The following FAT3 variants were observed in gnomAD, a reference collection of about 807,000 sequenced individuals.
The protein encoded by FAT3 is FAT atypical cadherin 3.
A neutral mutation model predicts 310.2 loss-of-function variants in FAT3; 95 were observed. That is an observed-to-expected ratio of 0.31 (90% CI 0.26 to 0.36). The LOEUF is 0.36. Ranked by LOEUF, FAT3 falls within the 10% of genes least tolerant of loss-of-function variation. The pLI is 1.00. For synonymous variants in FAT3, 2,314 were observed against 2,192.9 expected (o/e 1.06, Z -1.54); for missense variants, 5,408 against 5,715.6 (o/e 0.95, Z 1.74).
At chr11:92,469,640 G>A (rs372221536) in intron 2 of FAT3, among the ~76,000 whole-genome samples, 3 of 150,906 alleles carry the variant, frequency 2.0e-5, no homozygotes, top group African/African-American at 4.9e-5. Context: ...TCAGCCTCCC[G>A]AGTAGCTGGG....
intron 3 of FAT3, among the ~76,000 whole-genome samples, chr11:92,659,877 A>G (rs1447261054): frequency 6.6e-6 from 1 of 152,160 alleles, no homozygotes; most frequent in Non-Finnish European, 1.5e-5. Flanking sequence ...CAACCCTGTG[A>G]ATGTGTTGTT....
chr11:92,734,071 G>A (rs1945268887), intron 4 of FAT3, among the ~76,000 whole-genome samples: 1 of 152,176 alleles, frequency 6.6e-6, no homozygotes, highest in Non-Finnish European at 1.5e-5. Context: ...GAAGTTATAG[G>A]AAGTTTTCCA....
At chr11:92,889,755 CT>C (rs1949874831) in intron 26 of FAT3, 100 bp from the exon 27 acceptor site, 3 of 706,528 alleles carry the variant, frequency 4.2e-6, no homozygotes, top group Non-Finnish European at 8.0e-6. Flanking sequence ...GCCCACAGGC[CT>C]TTAGGAGTAT....
chr11:92,341,559 A>G (rs906279637), intron 1 of FAT3, among the ~76,000 whole-genome samples: 5 of 152,232 alleles, frequency 3.3e-5, no homozygotes, highest in South Asian at 2.1e-4. Flanking sequence ...AAGACTGACA[A>G]GATTTCTGGA....
chr11:92,750,259 A>G (rs1259705722), intron 4 of FAT3, among the ~76,000 whole-genome samples: 1 of 152,218 alleles, frequency 6.6e-6, no homozygotes, highest in Non-Finnish European at 1.5e-5. Context: ...TTAGAAGAGT[A>G]TCAAGTGCTA....
intron 1 of FAT3, among the ~76,000 whole-genome samples, chr11:92,229,512 T>G (rs978054339): frequency 4.0e-5 from 3 of 75,322 alleles, no homozygotes; most frequent in Non-Finnish European, 8.6e-5. Flanking sequence ...TTTTTGTTTT[T>G]TGTTTTTTTT....
intron 1 of FAT3, among the ~76,000 whole-genome samples, chr11:92,242,590 A>T (rs1590995964): frequency 6.6e-6 from 1 of 151,920 alleles, no homozygotes; most frequent in African/African-American, 2.4e-5. Context: ...ACTGTTCTTG[A>T]CCTCAAGGAG....
intron 1 of FAT3, among the ~76,000 whole-genome samples, chr11:92,278,447 G>C (rs1269371327): frequency 6.6e-6 from 1 of 151,942 alleles, no homozygotes; most frequent in Admixed American, 6.6e-5. Context: ...GAGTTTTGCT[G>C]GGCCTCTTTG....
intron 4 of FAT3, among the ~76,000 whole-genome samples, chr11:92,742,622 G>A (rs1945539630): frequency 6.6e-6 from 1 of 152,174 alleles, no homozygotes; most frequent in Non-Finnish European, 1.5e-5. Context: ...GTGGGTTCTG[G>A]ATAAAAAGGA....
chr11:92,336,975 G>T (rs1387608430), intron 1 of FAT3, among the ~76,000 whole-genome samples: 1 of 152,034 alleles, frequency 6.6e-6, no homozygotes, highest in Admixed American at 6.6e-5. Context: ...GTTGCCATCC[G>T]CCAGCCTGTG....
chr11:92,488,450 G>A (rs867852028), intron 2 of FAT3, among the ~76,000 whole-genome samples: 2 of 9,334 alleles, frequency 2.1e-4, no homozygotes, highest in Non-Finnish European at 3.2e-4. Context: ...AACTAGCACC[G>A]CCCCCCCCCC....
Position 92,859,334 on chromosome 11 carries a change from G to C in FAT3, c.11658+12G>C, listed in dbSNP as rs779716403. 3.3e-5 allele frequency: 52 copies of C among 1,567,804 alleles called. No individual in the cohort carries two copies. Among genetic ancestry groups the C allele is most frequent in the Non-Finnish European group, 4.3e-5 (49 of 1,151,002 alleles). ...GCATAATTCTGAAGGTAATTAAAAT[G>C]GGTTATCTTTTTCTGCAGTCAGTTC... On this transcript the variant is annotated intron_variant, in intron 21 of 27. Transcript: ENST00000525166.
intron 1 of FAT3, among the ~76,000 whole-genome samples, chr11:92,270,962 C>T (rs1471857638): frequency 6.6e-6 from 1 of 152,046 alleles, no homozygotes; most frequent in Non-Finnish European, 1.5e-5. Flanking sequence ...ATTAGCAAAG[C>T]CTGTCTGTTT....
intron 2 of FAT3, among the ~76,000 whole-genome samples, chr11:92,512,059 C>G (rs894629376): frequency 1.3e-5 from 2 of 152,114 alleles, no homozygotes; most frequent in Non-Finnish European, 2.9e-5. Context: ...TGTGTGACTT[C>G]TATTCAGTGT....
chr11:92,252,019 C>G (rs1187352776), intron 1 of FAT3, among the ~76,000 whole-genome samples: 2 of 152,028 alleles, frequency 1.3e-5, no homozygotes, highest in East Asian at 3.9e-4. Flanking sequence ...CTTTTGGTTA[C>G]TTTTAGAGAT....
intron 21 of FAT3, among the ~76,000 whole-genome samples, chr11:92,859,533 T>C (rs1480915895): frequency 2.0e-5 from 3 of 152,180 alleles, no homozygotes; most frequent in Non-Finnish European, 4.4e-5. Flanking sequence ...TCTTGGTACA[T>C]GGGGCATCTC....
At chr11:92,786,254 A>G (rs1195769628) in intron 7 of FAT3, among the ~76,000 whole-genome samples, 2 of 152,194 alleles carry the variant, frequency 1.3e-5, no homozygotes, top group Admixed American at 1.3e-4. Context: ...AAAATATTCT[A>G]AACTGTGAAT....
intron 2 of FAT3, among the ~76,000 whole-genome samples, chr11:92,389,997 G>A (rs938064171): frequency 6.6e-6 from 1 of 151,380 alleles, no homozygotes; most frequent in Non-Finnish European, 1.5e-5. Flanking sequence ...GAAAAGCAGT[G>A]GAAGCAAAAG....
In FAT3 at chr11:92,573,548, T is replaced by A. The variant is rs143711146; in HGVS notation, c.3607+48600T>A. Among the ~76,000 whole-genome samples, 10 of 152,318 alleles carry A rather than the reference T, an allele frequency of 6.6e-5. No homozygotes were observed. The East Asian group carries it at 1.9e-3, about 29-fold the overall frequency. ...GTCTTTGCAGATGTAATTAAGCTAA[T>A]GATCTTAAGATGATATCATCTTTGA... On this transcript the variant is annotated intron_variant, in intron 3 of 27. Transcript: ENST00000525166.
Sources: allele counts gnomAD v4.1 joint callset (sites outside exome capture counted in the v4.1 genomes callset), GRCh38; gene constraint gnomAD v4.1.1; transcripts MANE v1.5; gene names NCBI Gene and HGNC (gene_info 2026-07-23, HGNC 2026-07-21).